PALM2AKAP2: variants seen among roughly 807,000 people sequenced by gnomAD.
PALM2AKAP2 encodes the protein PALM2-AKAP2 fusion protein.
A neutral mutation model predicts 71.5 loss-of-function variants in PALM2AKAP2; 37 were observed. The ratio of observed to expected loss-of-function variants is 0.52; its 90% CI spans 0.40 to 0.68. The LOEUF (loss-of-function observed/expected upper bound fraction) is 0.68, where lower values mean the gene tolerates loss of function less well. Ranked by LOEUF, PALM2AKAP2 falls within the 30% of genes least tolerant of loss-of-function variation. The pLI is 0.00. For missense variants in PALM2AKAP2, 1,224 were observed against 1,191.8 expected (o/e 1.03, Z -0.40); for synonymous variants, 468 against 478.8 (o/e 0.98, Z 0.29).
intron 6 of PALM2AKAP2, among the ~76,000 whole-genome samples, chr9:110,005,478 C>T (rs1444742111): frequency 6.6e-6 from 1 of 152,186 alleles, no homozygotes; most frequent in African/African-American, 2.4e-5. Context: ...GGGTCAGGGA[C>T]CCACTTGAGG....
intron 4 of PALM2AKAP2, 120 bp downstream of exon 4, chr9:109,923,969 T>A (rs563147522): frequency 2.8e-6 from 3 of 1,061,976 alleles, no homozygotes; most frequent in African/African-American, 3.2e-5. Context: ...CCACGAACTC[T>A]ATGAAATGAG....
At chr9:109,760,204 C>T (rs1203327719) in intron 1 of PALM2AKAP2, among the ~76,000 whole-genome samples, 2 of 152,046 alleles carry the variant, frequency 1.3e-5, no homozygotes, top group Non-Finnish European at 2.9e-5. Context: ...TAAAATTAAA[C>T]ACGGGAAATA....
upstream of PALM2AKAP2, among the ~76,000 whole-genome samples, chr9:110,045,981 T>G (rs1588075493): frequency 6.6e-6 from 1 of 152,158 alleles, no homozygotes; most frequent in African/African-American, 2.4e-5. Context: ...CAATAATTCT[T>G]TGTTGGTGGG....
intron 1 of PALM2AKAP2, among the ~76,000 whole-genome samples, chr9:109,823,016 A>G (rs1314013822): frequency 6.6e-6 from 1 of 152,162 alleles, no homozygotes; most frequent in Non-Finnish European, 1.5e-5. Context: ...CATGAGGTCA[A>G]TCAAATAGGG....
At chr9:109,990,067 C>CTTTTTTTTTTTTTTTTTTT (rs35739397) in intron 6 of PALM2AKAP2, among the ~76,000 whole-genome samples, 2 of 134,112 alleles carry the variant, frequency 1.5e-5, no homozygotes, top group Non-Finnish European at 1.6e-5. Flanking sequence ...TTCTTTCTTT[C>CTTTTTTTTTTTTTTTTTTT]TTTTTTTTTT....
intron 1 of PALM2AKAP2, among the ~76,000 whole-genome samples, chr9:109,826,771 G>T (rs1431252622): frequency 1.3e-5 from 2 of 152,134 alleles, no homozygotes; most frequent in Non-Finnish European, 1.5e-5. Context: ...GTGTCTGGCA[G>T]CACCTCTTCT....
intron 1 of PALM2AKAP2, among the ~76,000 whole-genome samples, chr9:109,647,423 T>C (rs1422406906): frequency 6.6e-6 from 1 of 152,214 alleles, no homozygotes; most frequent in Non-Finnish European, 1.5e-5. Context: ...ATGAACATCC[T>C]TGTCCACACT....
intron 1 of PALM2AKAP2, among the ~76,000 whole-genome samples, chr9:110,122,917 A>C (rs1588121817): frequency 6.6e-6 from 1 of 151,602 alleles, no homozygotes; most frequent in Non-Finnish European, 1.5e-5. Flanking sequence ...ATTTCTCTCC[A>C]GAGACTCCAC....
intron 7 of PALM2AKAP2, among the ~76,000 whole-genome samples, chr9:110,026,787 T>G (rs998973225): frequency 2.6e-5 from 4 of 152,228 alleles, no homozygotes; most frequent in African/African-American, 9.6e-5. Context: ...CTCACTACTG[T>G]AATCCCAGCA....
chr9:110,120,800 C>T lies in PALM2AKAP2; in HGVS notation c.157-15327C>T, dbSNP rs1408553206. On this transcript the variant is annotated intron_variant, in intron 1 of 3. Transcript: ENST00000374525. ...GATTACAGGCATAAGCCACTGCGCC[C>T]GGGCCAAAAGCCTGCTTTTTGATCA... 2.0e-5 allele frequency among the ~76,000 whole-genome samples: 3 copies of T among 152,230 alleles called. No homozygotes were observed. In the East Asian group the frequency reaches 5.8e-4, roughly 29 times the overall value.
chr9:110,011,848 T>C (rs944788790), intron 6 of PALM2AKAP2, among the ~76,000 whole-genome samples: 5 of 152,186 alleles, frequency 3.3e-5, no homozygotes, highest in Admixed American at 1.3e-4. Flanking sequence ...CAAGTCCAAG[T>C]GGGATGTCAT....
At chr9:109,847,568 C>T (rs550100470) in intron 1 of PALM2AKAP2, 4 of 152,216 alleles carry the variant, frequency 2.6e-5, no homozygotes, top group Non-Finnish European at 4.4e-5. Flanking sequence ...AGTGAAACCC[C>T]GTCTCTACTA....
chr9:109,824,221 G>A (rs765501967), intron 1 of PALM2AKAP2, among the ~76,000 whole-genome samples: 2 of 152,158 alleles, frequency 1.3e-5, no homozygotes, highest in African/African-American at 2.4e-5. Context: ...TGCCACAAGG[G>A]TTTCCAAGGC....
intron 7 of PALM2AKAP2, among the ~76,000 whole-genome samples, chr9:110,042,792 T>C (rs962922544): frequency 1.3e-5 from 2 of 152,214 alleles, no homozygotes; most frequent in Admixed American, 1.3e-4. Flanking sequence ...TTTTTTAAAA[T>C]TCTTTTTTAA....
intron 1 of PALM2AKAP2, among the ~76,000 whole-genome samples, chr9:109,712,486 A>G (rs145395967): frequency 1.8e-3 from 278 of 152,320 alleles, no homozygotes; most frequent in African/African-American, 6.4e-3. Context: ...GTTTTTTCCA[A>G]TAATTCAACT....
At chr9:109,812,970 G>A (rs1188076839) in intron 1 of PALM2AKAP2, among the ~76,000 whole-genome samples, 1 of 152,210 alleles carries the variant, frequency 6.6e-6, no homozygotes, top group East Asian at 1.9e-4. Context: ...AGTAGGTTGG[G>A]TTACAGAGGT....
At chr9:109,712,278 G>C (rs1328236541) in intron 1 of PALM2AKAP2, among the ~76,000 whole-genome samples, 1 of 152,142 alleles carries the variant, frequency 6.6e-6, no homozygotes, top group Non-Finnish European at 1.5e-5. Context: ...TATTATCCTA[G>C]AGTCAGTGGT....
chr9:110,009,783 T>TCCTGCTACCAGCCCAAATCCCTCTC (rs1832847614), intron 6 of PALM2AKAP2, among the ~76,000 whole-genome samples: 1 of 151,864 alleles, frequency 6.6e-6, no homozygotes, highest in African/African-American at 2.4e-5. Context: ...CCTCATGGCT[T>TCCTGCTACCAGCCCAAATCCCTCTC]CCTGCTACCA....
At chr9:109,711,992 CTTGT>C (rs1250008283) in intron 1 of PALM2AKAP2, among the ~76,000 whole-genome samples, 1 of 130,382 alleles carries the variant, frequency 7.7e-6, no homozygotes, top group Admixed American at 7.5e-5. Context: ...TGTGTGAGTG[CTTGT>C]GTGTGTGTGT....
Sources: allele counts gnomAD v4.1 joint callset (sites outside exome capture counted in the v4.1 genomes callset), GRCh38; gene constraint gnomAD v4.1.1; transcripts MANE v1.5; gene names NCBI Gene and HGNC (gene_info 2026-07-23, HGNC 2026-07-21).